The following SLC8A1 variants were observed in gnomAD, a reference collection of about 807,000 sequenced individuals.
SLC8A1 encodes the protein sodium/calcium exchanger 1.
SLC8A1 carries 18 observed loss-of-function variants against 68.3 expected under a neutral mutation model. That is an observed-to-expected ratio of 0.26 (90% CI 0.18 to 0.39). The LOEUF is 0.39. Ranked by LOEUF, SLC8A1 falls within the 10% of genes least tolerant of loss-of-function variation. SLC8A1 has a pLI of 1.00. For synonymous variants in SLC8A1, 475 were observed against 415.5 expected (o/e 1.14, Z -1.74); for missense variants, 985 against 1,156.7 (o/e 0.85, Z 2.15).
At chr2:40,221,178 C>G (rs892936437) in intron 2 of SLC8A1, among the ~76,000 whole-genome samples, 39 of 152,138 alleles carry the variant, frequency 2.6e-4, no homozygotes, top group African/African-American at 8.9e-4. Context: ...AAAACCTTAT[C>G]CACCATGATC....
chr2:40,282,417 G>C (rs1419273837), intron 2 of SLC8A1, among the ~76,000 whole-genome samples: 2 of 152,126 alleles, frequency 1.3e-5, no homozygotes, highest in East Asian at 1.9e-4. Flanking sequence ...TATTACCCAA[G>C]ACATTGAGCA....
chr2:40,487,767 G>C (rs1162475150), intron 1 of SLC8A1, among the ~76,000 whole-genome samples: 1 of 152,142 alleles, frequency 6.6e-6, no homozygotes, highest in Non-Finnish European at 1.5e-5. Context: ...TGCTCACTCA[G>C]ACTGGTTTTC....
At chr2:40,398,191 T>TGCCTGG (rs1367159269) in intron 2 of SLC8A1, among the ~76,000 whole-genome samples, 1 of 152,220 alleles carries the variant, frequency 6.6e-6, no homozygotes, top group Non-Finnish European at 1.5e-5. Context: ...TCAAGAGAAG[T>TGCCTGG]ACAACGTGCC....
chr2:40,399,063 C>T (rs922085091), intron 2 of SLC8A1, among the ~76,000 whole-genome samples: 3 of 152,164 alleles, frequency 2.0e-5, no homozygotes, highest in African/African-American at 4.8e-5. Flanking sequence ...GTCAGAGATT[C>T]ATCAGTCAGG....
intron 6 of SLC8A1, among the ~76,000 whole-genome samples, chr2:40,141,001 T>C (rs1363030693): frequency 6.6e-6 from 1 of 152,208 alleles, no homozygotes; most frequent in Non-Finnish European, 1.5e-5. Context: ...ATGAGGATAT[T>C]GAATGTCAAC....
intron 2 of SLC8A1, among the ~76,000 whole-genome samples, chr2:40,217,995 G>A (rs1311139676): frequency 6.6e-6 from 1 of 152,082 alleles, no homozygotes; most frequent in Non-Finnish European, 1.5e-5. Context: ...CAGGCCTACA[G>A]GACCAATATT....
At chr2:40,128,565 C>G (rs1356173533) in intron 7 of SLC8A1, among the ~76,000 whole-genome samples, 1 of 152,148 alleles carries the variant, frequency 6.6e-6, no homozygotes, top group Non-Finnish European at 1.5e-5. Context: ...ACTGACTGAA[C>G]TGGTCACCGA....
intron 2 of SLC8A1, among the ~76,000 whole-genome samples, chr2:40,414,118 C>G (rs911453556): frequency 6.6e-6 from 1 of 152,174 alleles, no homozygotes; most frequent in African/African-American, 2.4e-5. Context: ...GTTGCTCATG[C>G]TCTTCAAGCA....
At chr2:40,272,971 C>G (rs1397001940) in intron 2 of SLC8A1, among the ~76,000 whole-genome samples, 1 of 152,186 alleles carries the variant, frequency 6.6e-6, no homozygotes, top group Non-Finnish European at 1.5e-5. Context: ...GAGATGGAGT[C>G]TCACTCTGTC....
intron 2 of SLC8A1, among the ~76,000 whole-genome samples, chr2:40,206,340 G>C (rs1301199539): frequency 6.6e-6 from 1 of 151,970 alleles, no homozygotes; most frequent in Non-Finnish European, 1.5e-5. Flanking sequence ...ATTTTAATCT[G>C]TCCTGAATGT....
intron 1 of SLC8A1, among the ~76,000 whole-genome samples, chr2:40,465,545 C>A (rs1056322847): frequency 6.6e-6 from 1 of 152,100 alleles, no homozygotes. Context: ...ATTACTACAT[C>A]ATCTCTTTTA....
chr2:40,437,434 G>A (rs1253808140), intron 1 of SLC8A1, among the ~76,000 whole-genome samples: 6 of 152,128 alleles, frequency 3.9e-5, no homozygotes, highest in African/African-American at 1.4e-4. Flanking sequence ...GATGATCCAT[G>A]TGAAGGATCA....
At chr2:40,452,900 G>C (rs1162485390), upstream of SLC8A1, among the ~76,000 whole-genome samples, 1 of 152,028 alleles carries the variant, frequency 6.6e-6, no homozygotes, top group Non-Finnish European at 1.5e-5. Context: ...ACTACAGTGA[G>C]GAGTAAAAGC....
At chr2:40,236,278 G>A (rs982954654) in intron 2 of SLC8A1, among the ~76,000 whole-genome samples, 1 of 151,424 alleles carries the variant, frequency 6.6e-6, no homozygotes, top group African/African-American at 2.4e-5. Context: ...ATGAATCTGG[G>A]TGCTCCTGTA....
intron 1 of SLC8A1, among the ~76,000 whole-genome samples, chr2:40,443,857 C>A (rs953938375): frequency 3.9e-5 from 6 of 152,200 alleles, no homozygotes; most frequent in Non-Finnish European, 5.9e-5. Flanking sequence ...TAATATAACA[C>A]CTGTCCATCT....
At chr2:40,338,640 A>G (rs982077887) in intron 2 of SLC8A1, among the ~76,000 whole-genome samples, 2 of 152,222 alleles carry the variant, frequency 1.3e-5, no homozygotes, top group Non-Finnish European at 2.9e-5. Context: ...ACAAGACTAT[A>G]GGTATGTTTT....
intron 2 of SLC8A1, among the ~76,000 whole-genome samples, chr2:40,238,971 A>G (rs1397340966): frequency 6.6e-6 from 1 of 152,174 alleles, no homozygotes; most frequent in Non-Finnish European, 1.5e-5. Context: ...GTTGTCATGG[A>G]AACAGTTCCA....
chr2:40,331,601 A>T (rs977388213), intron 2 of SLC8A1, among the ~76,000 whole-genome samples: 15 of 148,888 alleles, frequency 1.0e-4, no homozygotes, highest in Non-Finnish European at 1.9e-4. Flanking sequence ...TTTTATGTTT[A>T]TTTTTTTTTT....
chr2:40,353,850 G>C (rs926639676), intron 2 of SLC8A1, among the ~76,000 whole-genome samples: 2 of 152,182 alleles, frequency 1.3e-5, no homozygotes, highest in Admixed American at 6.5e-5. Context: ...ACCTCTTAAG[G>C]AGAGGGAGGC....
Sources: gnomAD v4.1 joint callset for allele counts (sites outside exome capture counted in the v4.1 genomes callset) on GRCh38, gnomAD v4.1.1 for gene constraint, MANE v1.5 for transcripts, NCBI Gene and HGNC (gene_info 2026-07-23, HGNC 2026-07-21) for gene names.